Variants in N4BP1 observed in about 807,000 individuals in gnomAD.
N4BP1 encodes the protein NEDD4-binding protein 1.
In N4BP1, 21 loss-of-function variants were observed where a neutral mutation model predicts 70.9. The ratio of observed to expected loss-of-function variants is 0.30; its 90% CI spans 0.21 to 0.43. The LOEUF is 0.43. N4BP1 is among the 20% of genes least tolerant of loss of function. The pLI, the probability that N4BP1 is intolerant of heterozygous loss-of-function variation, is 1.00. For synonymous variants in N4BP1, 387 were observed against 394.6 expected, an observed-to-expected ratio of 0.98 and a Z score of 0.23; for missense variants, 936 against 1,069.4, an observed-to-expected ratio of 0.88 and a Z score of 1.74.
chr16:48,562,507 T>G, intron 1 of N4BP1, 63 bp from the exon 2 acceptor site: 2 of 1,338,058 alleles, frequency 1.5e-6, no homozygotes, highest in Non-Finnish European at 2.0e-6. Flanking sequence ...CATAATAAAT[T>G]ACCATGTAAC....
At position 48,562,073 on chromosome 16, in the gene N4BP1, TG is replaced by T. The variant is rs1963868447; in HGVS notation, c.569del (p.Thr190AsnfsTer18). The T allele has an allele frequency of 6.2e-7, 1 of 1,613,726 alleles. No homozygotes were observed. On this transcript the variant is annotated frameshift_variant, in exon 2 of 7. Coordinates refer to ENST00000262384, the MANE Select transcript of N4BP1 (RefSeq NM_153029.4). LOFTEE classifies it high-confidence loss of function. ...TSLKKELLTL[T>X]QGEENLFETG... ...TTTCAAAGAGATTCTCCTCACCTTG[TG>T]TGAGTGTCAAAAGTTCTTTTTTCAA...
intron 3 of N4BP1, 130 bp downstream of exon 3, chr16:48,553,409 T>C: frequency 2.4e-6 from 2 of 849,130 alleles, no homozygotes; most frequent in Non-Finnish European, 1.6e-6. Flanking sequence ...CTAGGTGCAG[T>C]AGATTTACAA....
chr16:48,546,080 A>G lies in N4BP1; in HGVS notation c.2333+67T>C, dbSNP rs745845203. ...GTCATTTTTAGTCTATAAAGACAGC[A>G]CTTGCACTAAAGCACAAAGAATTGA... On this transcript the variant is annotated intron_variant, in intron 6 of 6. Coordinates refer to ENST00000262384, the MANE Select transcript of N4BP1 (RefSeq NM_153029.4). 66 of 1,003,652 alleles carry G rather than the reference A, an allele frequency of 6.6e-5. No individual in the cohort carries two copies. In the Admixed American group the frequency reaches 8.2e-4, roughly 12 times the overall value. The allele number at this position is 1,003,652 out of a possible 1,614,324, so 62.2% of individuals were successfully genotyped here. A position where few individuals can be genotyped will look rare whatever the true frequency, so the allele number is the denominator to read the frequency against.
chr16:48,572,917 G>A (rs1157992128), intron 1 of N4BP1, among the ~76,000 whole-genome samples: 2 of 151,850 alleles, frequency 1.3e-5, no homozygotes, highest in African/African-American at 2.4e-5. Context: ...AATCACTTGA[G>A]CTCAGGAGTT....
chr16:48,544,174 G>C (rs1171354281), intron 6 of N4BP1, among the ~76,000 whole-genome samples: 1 of 152,210 alleles, frequency 6.6e-6, no homozygotes, highest in African/African-American at 2.4e-5. Flanking sequence ...TCTTCATGTG[G>C]GTAGAAAAGC....
chr16:48,550,117 C>T lies in N4BP1; in HGVS notation c.2117+1269G>A, dbSNP rs145882116. ...CTTCTGTTACTTATGCACACGTCTT[C>T]TCAAAATTCTTTAGGGCAGAAGGTG... On this transcript the variant is annotated intron_variant, in intron 4 of 6. Transcript: ENST00000262384. Among the ~76,000 whole-genome samples, 343 of 152,316 alleles carry T rather than the reference C, an allele frequency of 2.3e-3. 1 individual carries two copies. The highest frequency in any genetic ancestry group is 3.5e-3 in the Non-Finnish European group (241 of 68,036).
At chr16:48,548,749 G>C (rs1483084570) in intron 4 of N4BP1, among the ~76,000 whole-genome samples, 3 of 151,562 alleles carry the variant, frequency 2.0e-5, no homozygotes, top group Non-Finnish European at 4.4e-5. Context: ...CTGAGGTGGA[G>C]GATCAGCTGA....
chr16:48,579,002 GA>G (rs1964138803), intron 1 of N4BP1, among the ~76,000 whole-genome samples: 1 of 55,780 alleles, frequency 1.8e-5, no homozygotes, highest in Admixed American at 1.9e-4. Context: ...TGGGGCATTT[GA>G]CAATGCCAAG....
Position 48,539,032 on chromosome 16 carries a change from GGA to G in N4BP1, c.*3870_*3871del, listed in dbSNP as rs879910927. 1 of 152,256 alleles carries G rather than the reference GGA, an allele frequency of 6.6e-6. No homozygotes were observed. Among genetic ancestry groups the G allele is most frequent in the Non-Finnish European group, 1.5e-5 (1 of 68,086 alleles). The allele number at this position is 152,256 out of a possible 1,614,324, so 9.4% of individuals were successfully genotyped here. ...CATTTGGGAGAAGGGCATCTCTAGC[GGA>G]GAGAGGTCCATCTGCAGAGCCCACA... is the stretch of plus-strand genomic sequence containing the variant. On this transcript the variant is annotated 3_prime_UTR_variant, in exon 7 of 7. Transcript: ENST00000262384.
intron 1 of N4BP1, among the ~76,000 whole-genome samples, chr16:48,591,354 A>G (rs1175360300): frequency 1.3e-5 from 2 of 151,816 alleles, no homozygotes; most frequent in East Asian, 3.9e-4. Flanking sequence ...CTTTCTCCAA[A>G]CTGCCCTTGG....
At position 48,539,513 on chromosome 16, in the gene N4BP1, A is replaced by AGC. The variant is rs1963456662; in HGVS notation, c.*3389_*3390dup. On this transcript the variant is annotated 3_prime_UTR_variant, in exon 7 of 7. Coordinates refer to ENST00000262384, the MANE Select transcript of N4BP1 (RefSeq NM_153029.4). ...GGGCCAGTCACTACAGAGAGGGGAC[A>AGC]GCGAGGAGAGGGACGGTGTGGCCCT... The AGC allele has an allele frequency of 6.6e-6, 1 of 152,500 alleles. No homozygotes were observed. Among genetic ancestry groups the AGC allele is most frequent in the Non-Finnish European group, 1.5e-5 (1 of 68,240 alleles). The allele number at this position is 152,500 out of a possible 1,614,324, so 9.4% of individuals were successfully genotyped here. A position where few individuals can be genotyped will look rare whatever the true frequency, so the allele number is the denominator to read the frequency against.
chr16:48,562,259 G>A lies in N4BP1; in HGVS notation c.384C>T (p.Val128=). 3 of 1,613,906 alleles carry A rather than the reference G, an allele frequency of 1.9e-6. No homozygotes were observed. Among genetic ancestry groups the A allele is most frequent in the East Asian group, 2.2e-5 (1 of 44,882 alleles). The change falls in exon 2 of 7, where the codon GTC becomes GTT. Residue 128 remains valine, a synonymous_variant. Coordinates refer to ENST00000262384, the MANE Select transcript of N4BP1 (RefSeq NM_153029.4). ...ATTGTTGAATGTGACTCCTAGCCAT[G>A]ACCACAGCCTCAGCACTTCCTCTGA... ...LGIRGSAEAV[V]MARSHIQQFV...
At chr16:48,560,375 A>AT (rs1334807965) in intron 2 of N4BP1, among the ~76,000 whole-genome samples, 1 of 123,236 alleles carries the variant, frequency 8.1e-6, no homozygotes, top group African/African-American at 3.7e-5. Context: ...GCATAATAAG[A>AT]TAAAAAAAAA....
chr16:48,609,042 C>T (rs1372024122), intron 1 of N4BP1, among the ~76,000 whole-genome samples: 1 of 129,710 alleles, frequency 7.7e-6, no homozygotes, highest in East Asian at 2.0e-4. Flanking sequence ...TAGTGAAATC[C>T]CCTACCAAAA....
At chr16:48,564,719 T>C (rs1963914360) in intron 1 of N4BP1, among the ~76,000 whole-genome samples, 1 of 152,234 alleles carries the variant, frequency 6.6e-6, no homozygotes, top group African/African-American at 2.4e-5. Context: ...TTATCAGCAA[T>C]TGTGCTGACA....
At chr16:48,569,551 C>G (rs1445148038) in intron 1 of N4BP1, among the ~76,000 whole-genome samples, 2 of 152,144 alleles carry the variant, frequency 1.3e-5, no homozygotes, top group East Asian at 3.9e-4. Flanking sequence ...GCCACCACGC[C>G]TGGCTAATTT....
At chr16:48,603,921 A>G (rs751565627) in intron 1 of N4BP1, among the ~76,000 whole-genome samples, 2 of 152,116 alleles carry the variant, frequency 1.3e-5, no homozygotes, top group Non-Finnish European at 2.9e-5. Context: ...CTCTTCAGAA[A>G]TATTTCCTAA....
chr16:48,561,188 T>C lies in N4BP1; in HGVS notation c.1455A>G (p.Thr485=), dbSNP rs769034286. The change falls in exon 2 of 7, where the codon ACA becomes ACG. Residue 485 remains threonine, a synonymous_variant. Coordinates refer to ENST00000262384, the MANE Select transcript of N4BP1 (RefSeq NM_153029.4). ...WGSNQNYICN[T]DPETDGLSPS... ...GTGAAAGGCCATCAGTTTCAGGGTC[T>C]GTGTTACAAATGTAGTTCTGGTTTG... 6.2e-7 allele frequency: 1 copy of C among 1,614,052 alleles called. No homozygotes were observed. Among genetic ancestry groups the C allele is most frequent in the South Asian group, 1.1e-5 (1 of 91,088 alleles).
chr16:48,586,136 G>A (rs1964242721), intron 1 of N4BP1, among the ~76,000 whole-genome samples: 1 of 152,156 alleles, frequency 6.6e-6, no homozygotes, highest in African/African-American at 2.4e-5. Context: ...TAATTTCCAA[G>A]TAAGACAGAC....
Sources: allele counts gnomAD v4.1 joint callset (sites outside exome capture counted in the v4.1 genomes callset), GRCh38; gene constraint gnomAD v4.1.1; transcripts MANE v1.5; gene names NCBI Gene and HGNC (gene_info 2026-07-23, HGNC 2026-07-21).